The following ERO1B variants were observed in gnomAD, a reference collection of about 807,000 sequenced individuals.
The protein encoded by ERO1B is ERO1-like protein beta.
A neutral mutation model predicts 75.3 loss-of-function variants in ERO1B; 49 were observed. The ratio of observed to expected loss-of-function variants is 0.65; its 90% confidence interval spans 0.52 to 0.83. The LOEUF is 0.83. Ranked by LOEUF, ERO1B falls within the 40% of genes least tolerant of loss-of-function variation. ERO1B has a pLI of 0.00. For missense variants in ERO1B, 512 were observed against 560.1 expected, an observed-to-expected ratio of 0.91 and a Z score of 0.87; for synonymous variants, 191 against 192.9, an observed-to-expected ratio of 0.99 and a Z score of 0.08.
chr1:236,263,568 A>C (rs1372332722), intron 2 of ERO1B, among the ~76,000 whole-genome samples: 1 of 152,052 alleles, frequency 6.6e-6, no homozygotes, highest in Non-Finnish European at 1.5e-5. Context: ...TATTTTTATT[A>C]GGATCACATT....
At chr1:236,258,816 G>T (rs892053802) in intron 2 of ERO1B, among the ~76,000 whole-genome samples, 4 of 152,164 alleles carry the variant, frequency 2.6e-5, no homozygotes, top group African/African-American at 9.7e-5. Flanking sequence ...TTGAACTTGG[G>T]AGGCGGACGT....
chr1:236,247,127 C>A (rs1235129410), intron 5 of ERO1B, among the ~76,000 whole-genome samples: 5 of 152,154 alleles, frequency 3.3e-5, no homozygotes, highest in African/African-American at 1.2e-4. Context: ...TCTATTTACA[C>A]TCTCTCCTTG....
rs1553371926 is a variant in ERO1B, at chr1:236,245,306, A to ATGTGTG, written c.432-1812_432-1811insCACACA. Among the ~76,000 whole-genome samples, 110 of 21,768 alleles carry ATGTGTG rather than the reference A, an allele frequency of 5.1e-3. 4 individuals carry two copies. In the East Asian group the frequency reaches 0.1, roughly 20 times the overall value. The allele number at this position is 21,768 out of a possible 152,430, so 14.3% of individuals were successfully genotyped here. A position where few individuals can be genotyped will look rare whatever the true frequency, so the allele number is the denominator to read the frequency against. On this transcript the variant is annotated intron_variant, in intron 5 of 15. Transcript: ENST00000354619. ...CACCATGCCCAGTCAAAATATATAT[A>ATGTGTG]TATATATATATATATACACACACGT...
intron 2 of ERO1B, among the ~76,000 whole-genome samples, chr1:236,266,655 T>C (rs1366814871): frequency 7.9e-5 from 12 of 152,262 alleles, no homozygotes; most frequent in Middle Eastern, 3.4e-3. Context: ...ATTAACCTTT[T>C]CTCTTAGCTT....
At chr1:236,253,399 C>A in intron 3 of ERO1B, 23 bp downstream of exon 3, 1 of 1,468,314 alleles carries the variant, frequency 6.8e-7, no homozygotes, top group Non-Finnish European at 9.4e-7. Context: ...ATTGGCTTTG[C>A]CCTGTTATTT....
At chr1:236,228,539 A>T (rs963427315) in intron 10 of ERO1B, among the ~76,000 whole-genome samples, 6 of 152,220 alleles carry the variant, frequency 3.9e-5, no homozygotes, top group African/African-American at 1.4e-4. Context: ...CCAACTTCTA[A>T]CAACATAGAG....
chr1:236,258,401 G>A (rs1202353244), intron 2 of ERO1B, among the ~76,000 whole-genome samples: 2 of 152,028 alleles, frequency 1.3e-5, no homozygotes, highest in Admixed American at 1.3e-4. Context: ...AAAGCTGAAA[G>A]AAAAGGAAGA....
intron 9 of ERO1B, 49 bp downstream of exon 9, chr1:236,232,779 C>T: frequency 7.1e-6 from 11 of 1,554,080 alleles, no homozygotes; most frequent in Non-Finnish European, 8.7e-6. Context: ...CTGATTGTTA[C>T]AAAAAATTTC....
chr1:236,239,811 G>GTATATATATATA (rs1435250421), intron 6 of ERO1B, among the ~76,000 whole-genome samples: 4 of 59,612 alleles, frequency 6.7e-5, no homozygotes, highest in African/African-American at 1.8e-4. Context: ...ATATATGTGT[G>GTATATATATATA]TATATATATA....
In ERO1B at chr1:236,281,768, G is replaced by A. The variant is rs1268009174; in HGVS notation, c.16C>T (p.Arg6Cys). The A allele has an allele frequency of 2.0e-6, 3 of 1,513,780 alleles. No individual in the cohort carries two copies. The highest frequency in any genetic ancestry group is 1.2e-5 in the South Asian group (1 of 81,188). The allele number at this position is 1,513,780 out of a possible 1,614,324, so 93.8% of individuals were successfully genotyped here. A position where few individuals can be genotyped will look rare whatever the true frequency, so the allele number is the denominator to read the frequency against. MSQGV[R>C]RAGAGQGVAA... ...ACCCCCTGCCCAGCGCCTGCCCGGC[G>A]GACCCCTTGGCTCATGCTGACCTCT... The change falls in exon 1 of 16, where the codon CGC becomes TGC. Residue 6 changes from arginine (R) to cysteine (C), a missense_variant. Coordinates refer to ENST00000354619, the MANE Select transcript of ERO1B (RefSeq NM_019891.4).
intron 1 of ERO1B, among the ~76,000 whole-genome samples, chr1:236,273,229 G>T (rs1214674277): frequency 6.6e-6 from 1 of 152,078 alleles, no homozygotes; most frequent in East Asian, 1.9e-4. Context: ...GGAATAAAGA[G>T]GTCATAAGCC....
chr1:236,278,773 G>A (rs1210603899), intron 1 of ERO1B, among the ~76,000 whole-genome samples: 37 of 152,114 alleles, frequency 2.4e-4, no homozygotes, highest in Admixed American at 2.4e-3. Context: ...TCATTTATAC[G>A]ATAATGGGGC....
At chr1:236,243,615 C>T (rs1287223213) in intron 5 of ERO1B, 120 bp from the exon 6 acceptor site, 4 of 572,394 alleles carry the variant, frequency 7.0e-6, no homozygotes, top group Admixed American at 3.6e-5. Flanking sequence ...GATGATGTCA[C>T]AATTCTGCTA....
At chr1:236,264,100 T>G (rs1323298740) in intron 2 of ERO1B, among the ~76,000 whole-genome samples, 1 of 152,194 alleles carries the variant, frequency 6.6e-6, no homozygotes. Context: ...TTTTTTCATA[T>G]AACTACATTT....
chr1:236,244,439 T>G (rs1175217840), intron 5 of ERO1B, among the ~76,000 whole-genome samples: 1 of 152,146 alleles, frequency 6.6e-6, no homozygotes, highest in Non-Finnish European at 1.5e-5. Flanking sequence ...TAATAAAAAT[T>G]AACAAAAATA....
chr1:236,234,853 T>C (rs1664498594), intron 8 of ERO1B, among the ~76,000 whole-genome samples: 1 of 152,222 alleles, frequency 6.6e-6, no homozygotes, highest in Non-Finnish European at 1.5e-5. Context: ...GAGAACAGAC[T>C]GAGGATGTAT....
intron 2 of ERO1B, among the ~76,000 whole-genome samples, chr1:236,260,678 AAGAC>A (rs1558519266): frequency 1.3e-5 from 2 of 151,840 alleles, no homozygotes; most frequent in African/African-American, 2.4e-5. Context: ...AAAAAAAAAA[AAGAC>A]AGACAGACCA....
intron 9 of ERO1B, among the ~76,000 whole-genome samples, chr1:236,231,500 GAAA>G (rs57411768): frequency 1.0e-5 from 1 of 95,890 alleles, no homozygotes. Context: ...TTAAACACTT[GAAA>G]AAAAAAAAAA....
Position 236,220,909 on chromosome 1 carries a change from C to A in ERO1B, c.1266G>T (p.Lys422Asn), listed in dbSNP as rs778057304. The change falls in exon 15 of 16, where the codon AAG becomes AAT. Residue 422 changes from lysine (K) to asparagine (N), a missense_variant. Transcript: ENST00000354619. ...CTTTAGATGGACTATTCTCTGGAAG[C>A]TTTTGGATTTCTTTTTCAGAGAATA... ...KILFSEKEIQ[K>N]LPENSPSKGF... 1.9e-6 allele frequency: 3 copies of A among 1,603,808 alleles called. No homozygotes were observed. Among genetic ancestry groups the A allele is most frequent in the Non-Finnish European group, 2.6e-6 (3 of 1,175,504 alleles).
Sources: allele counts gnomAD v4.1 joint callset (sites outside exome capture counted in the v4.1 genomes callset), GRCh38; gene constraint gnomAD v4.1.1; transcripts MANE v1.5; gene names NCBI Gene and HGNC (gene_info 2026-07-23, HGNC 2026-07-21).